The following ABHD2 variants were observed in gnomAD, a reference collection of about 807,000 sequenced individuals.
The protein encoded by ABHD2 is abhydrolase domain containing 2, acylglycerol lipase, also known as monoacylglycerol lipase ABHD2.
ABHD2 carries 20 observed loss-of-function variants against 48.1 expected under a neutral mutation model. The observed-to-expected ratio is 0.42, with a 90% CI of 0.29 to 0.60. The LOEUF is 0.60. Ranked by LOEUF, ABHD2 falls within the 20% of genes least tolerant of loss-of-function variation. The pLI, the probability that ABHD2 is intolerant of heterozygous loss-of-function variation, is 0.24. For synonymous variants in ABHD2, 209 were observed against 214.2 expected, an observed-to-expected ratio of 0.98 and a Z score of 0.21; for missense variants, 405 against 550.9, an observed-to-expected ratio of 0.74 and a Z score of 2.65.
At chr15:89,142,633 A>G (rs886459686) in intron 3 of ABHD2, among the ~76,000 whole-genome samples, 3 of 152,202 alleles carry the variant, frequency 2.0e-5, no homozygotes, top group African/African-American at 7.2e-5. Flanking sequence ...AGGAGAAGCC[A>G]GACTACTCAG....
In ABHD2 at chr15:89,146,857, C is replaced by A. The variant is rs1035255179; in HGVS notation, c.195-4820C>A. 2.6e-5 allele frequency among the ~76,000 whole-genome samples: 4 copies of A among 152,172 alleles called. No individual in the cohort carries two copies. Among genetic ancestry groups the A allele is most frequent in the Admixed American group, 6.5e-5 (1 of 15,290 alleles). On this transcript the variant is annotated intron_variant, in intron 3 of 10. Coordinates refer to ENST00000352732, the MANE Select transcript of ABHD2 (RefSeq NM_152924.5). The surrounding 1 kb of genome is among the most constrained non-coding windows in gnomAD (Gnocchi z 4.2). ...AGTATTGTAAAGGTGTCAATTATCTCCTAGGTAATATATATTTGTCGTGTT... is the reference window on the plus strand; with the variant it reads ...AGTATTGTAAAGGTGTCAATTATCTACTAGGTAATATATATTTGTCGTGTT...
upstream of ABHD2, chr15:89,086,966 A>T (rs1460119860): frequency 6.6e-6 from 1 of 152,130 alleles, no homozygotes; most frequent in African/African-American, 2.4e-5. Context: ...ATGACAACTG[A>T]ATGAAAAATA....
At chr15:89,042,467 TC>T in the ABHD2 span, among the ~76,000 whole-genome samples, 4 of 152,116 alleles carry the variant, frequency 2.6e-5, no homozygotes, top group Non-Finnish European at 5.9e-5. Context: ...CCGTCTTATC[TC>T]TTCTAAATCC....
At chr15:89,071,280 G>A in the ABHD2 span, among the ~76,000 whole-genome samples, 1 of 152,148 alleles carries the variant, frequency 6.6e-6, no homozygotes, top group Non-Finnish European at 1.5e-5. Flanking sequence ...AATTAGCTGG[G>A]CATGGTGTCA....
chr15:89,193,151 T>C (rs1371133096), intron 9 of ABHD2, 84 bp from the exon 10 acceptor site: 12 of 1,336,038 alleles, frequency 9.0e-6, no homozygotes, highest in African/African-American at 1.4e-5. Flanking sequence ...CAAAAACATG[T>C]CCAGCAGTGA....
At chr15:89,171,392 G>T (rs563544080) in intron 5 of ABHD2, among the ~76,000 whole-genome samples, 3 of 152,180 alleles carry the variant, frequency 2.0e-5, no homozygotes, top group Non-Finnish European at 4.4e-5. Flanking sequence ...TTGCTCAGGG[G>T]CCACACTCTG....
At chr15:89,072,641 T>C in the ABHD2 span, among the ~76,000 whole-genome samples, 7 of 152,050 alleles carry the variant, frequency 4.6e-5, no homozygotes, top group Non-Finnish European at 7.4e-5. Flanking sequence ...ATTTAGCCAC[T>C]GAGTTGAGAA....
intron 4 of ABHD2, among the ~76,000 whole-genome samples, chr15:89,154,092 A>G (rs565781596): frequency 1.1e-4 from 16 of 152,352 alleles, no homozygotes; most frequent in African/African-American, 3.8e-4. Context: ...AATTTTATAA[A>G]GAGATGGAGT....
At chr15:89,110,207 G>T (rs961781034) in intron 1 of ABHD2, among the ~76,000 whole-genome samples, 1 of 151,970 alleles carries the variant, frequency 6.6e-6, no homozygotes, top group Non-Finnish European at 1.5e-5. Context: ...TTACAGGCAC[G>T]TGCCACCATA....
intron 3 of ABHD2, among the ~76,000 whole-genome samples, chr15:89,142,193 G>A (rs61441573): frequency 2.0e-5 from 3 of 152,168 alleles, no homozygotes; most frequent in African/African-American, 7.2e-5. Flanking sequence ...GTGGTAAAGT[G>A]GGGTTAACAG....
chr15:89,076,950 G>C, the ABHD2 span, among the ~76,000 whole-genome samples: 26 of 152,178 alleles, frequency 1.7e-4, no homozygotes, highest in Non-Finnish European at 3.5e-4. Context: ...TGGTTAAGGG[G>C]GTAGGTCCTC....
intron 3 of ABHD2, among the ~76,000 whole-genome samples, chr15:89,127,724 T>TAC (rs1555428258): frequency 4.2e-5 from 3 of 70,728 alleles, no homozygotes; most frequent in African/African-American, 1.4e-4. Context: ...TATATACACA[T>TAC]ATATATATAT....
At chr15:89,136,347 T>C in intron 3 of ABHD2, 1 of 525,268 alleles carries the variant, frequency 1.9e-6, no homozygotes, top group African/African-American at 1.9e-5. Flanking sequence ...AGGCATGGTC[T>C]TCCACCTCTC....
the ABHD2 span, among the ~76,000 whole-genome samples, chr15:89,061,599 G>T: frequency 1.3e-5 from 2 of 151,664 alleles, no homozygotes; most frequent in Non-Finnish European, 2.9e-5. Flanking sequence ...CTGAGACAAG[G>T]TCTCACTTTA....
Position 89,179,945 on chromosome 15 carries a change from G to A in ABHD2, c.722+3950G>A, listed in dbSNP as rs2051080085. Reference sequence around the variant, plus strand: ...ACCACTTTTCCTGCCAAATGGTGGGGATATTGTCTCTCTTGCTTTTGATGG... The same window carrying A: ...ACCACTTTTCCTGCCAAATGGTGGGAATATTGTCTCTCTTGCTTTTGATGG... On this transcript the variant is annotated intron_variant, in intron 6 of 10. Transcript: ENST00000352732. This position sits in a 1 kb window ranked among gnomAD's most constrained non-coding sequence, Gnocchi z 4.3. Among the ~76,000 whole-genome samples the A allele has an allele frequency of 1.3e-5, 2 of 152,222 alleles. No homozygotes were observed. Among genetic ancestry groups the A allele is most frequent in the Admixed American group, 1.3e-4 (2 of 15,286 alleles).
At chr15:89,096,793 A>G (rs1402621065) in intron 1 of ABHD2, among the ~76,000 whole-genome samples, 1 of 152,258 alleles carries the variant, frequency 6.6e-6, no homozygotes, top group Non-Finnish European at 1.5e-5. Context: ...ACAAGTCATC[A>G]TACCCGTTTG....
chr15:89,201,087 A>G lies in ABHD2; in HGVS notation c.*5664A>G, dbSNP rs1332813846. 5 of 953,052 alleles carry G rather than the reference A, an allele frequency of 5.2e-6. No individual in the cohort carries two copies. The highest frequency in any genetic ancestry group is 8.6e-6 in the Non-Finnish European group (5 of 584,202). 59.0% of individuals were successfully genotyped at this position (953,052 alleles called of 1,614,324 possible). On this transcript the variant is annotated 3_prime_UTR_variant, in exon 11 of 11. Coordinates refer to ENST00000352732, the MANE Select transcript of ABHD2 (RefSeq NM_152924.5). ...ACAAGAGTGAGACTCCGTCTCCAAAAAAAGAAAAGGAATCCAGTGAAAATG... is the reference window on the plus strand; with the variant it reads ...ACAAGAGTGAGACTCCGTCTCCAAAGAAAGAAAAGGAATCCAGTGAAAATG...
chr15:89,180,697 G>C (rs1034862388), intron 6 of ABHD2, among the ~76,000 whole-genome samples: 1 of 152,130 alleles, frequency 6.6e-6, no homozygotes, highest in African/African-American at 2.4e-5. Context: ...CCCTGTCTTG[G>C]GCTTGGCCAG....
chr15:89,057,800 C>T, the ABHD2 span, among the ~76,000 whole-genome samples: 8 of 151,976 alleles, frequency 5.3e-5, no homozygotes, highest in Non-Finnish European at 7.4e-5. Flanking sequence ...AACAAACCTG[C>T]CAGAACTTTC....
Sources: gnomAD v4.1 joint callset for allele counts (sites outside exome capture counted in the v4.1 genomes callset) on GRCh38, gnomAD v4.1.1 for gene constraint, Gnocchi (gnomAD v3.1) non-coding constraint, MANE v1.5 for transcripts, NCBI Gene and HGNC (gene_info 2026-07-23, HGNC 2026-07-21) for gene names.